POLH: variants seen among roughly 807,000 people sequenced by gnomAD.
The protein encoded by POLH is DNA polymerase eta, also known as DNA polymerase eta transcript.
POLH carries 53 observed loss-of-function variants against 73.6 expected under a neutral mutation model. That is an observed-to-expected ratio of 0.72 (90% CI 0.58 to 0.91). POLH has a LOEUF of 0.91. Ranked by LOEUF, POLH falls within the 40% of genes least tolerant of loss-of-function variation. The pLI, the probability that POLH is intolerant of heterozygous loss-of-function variation, is 0.00. For missense variants in POLH, 768 were observed against 865.4 expected, an observed-to-expected ratio of 0.89 and a Z score of 1.41; for synonymous variants, 292 against 308.5, an observed-to-expected ratio of 0.95 and a Z score of 0.56.
At chr6:43,604,522 A>G in intron 7 of POLH, 93 bp from the exon 8 acceptor site, 1 of 1,386,436 alleles carries the variant, frequency 7.2e-7, no homozygotes, top group Middle Eastern at 2.0e-4. Flanking sequence ...TTCATGAAAA[A>G]GATAAAAGGG....
intron 9 of POLH, among the ~76,000 whole-genome samples, chr6:43,607,121 A>C (rs1767389418): frequency 6.6e-6 from 1 of 152,198 alleles, no homozygotes; most frequent in African/African-American, 2.4e-5. Flanking sequence ...TTTGAGACGG[A>C]GTCTCGCTCT....
intron 3 of POLH, 34 bp downstream of exon 3, chr6:43,583,175 G>A: frequency 6.2e-7 from 1 of 1,603,722 alleles, no homozygotes; most frequent in Non-Finnish European, 8.5e-7. Flanking sequence ...GAGACATAAA[G>A]GAGTCGAAAA....
intron 1 of POLH, among the ~76,000 whole-genome samples, chr6:43,581,237 GCTC>G (rs1480740204): frequency 6.7e-6 from 1 of 149,118 alleles, no homozygotes; most frequent in Non-Finnish European, 1.5e-5. Context: ...GGGCAGAGGC[GCTC>G]CTCACATCCC....
chr6:43,601,006 T>TGTGGACTAAACAAGCCC lies in POLH; in HGVS notation c.680_696dup (p.Asn233ValfsTer3). On this transcript the variant is annotated frameshift_variant, in exon 6 of 11. Coordinates refer to ENST00000372236, the MANE Select transcript of POLH (RefSeq NM_006502.3). LOFTEE classifies it high-confidence loss of function. The stretch of plus-strand genomic sequence containing the variant: ...CTTCCAGGTCCTGGCAAAACTGGCC[T>TGTGGACTAAACAAGCCC]GTGGACTAAACAAGCCCAACCGCCA... 6.2e-7 allele frequency: 1 copy of TGTGGACTAAACAAGCCC among 1,614,014 alleles called. No individual in the cohort carries two copies. Among genetic ancestry groups the TGTGGACTAAACAAGCCC allele is most frequent in the South Asian group, 1.1e-5 (1 of 91,086 alleles).
intron 6 of POLH, among the ~76,000 whole-genome samples, chr6:43,601,850 G>A (rs1766772135): frequency 6.6e-6 from 1 of 152,104 alleles, no homozygotes; most frequent in Non-Finnish European, 1.5e-5. Context: ...CTGAAGTCAG[G>A]AGTTCGAGAC....
chr6:43,601,161 T>C (rs945666045), intron 6 of POLH, 70 bp downstream of exon 6: 107 of 1,094,254 alleles, frequency 9.8e-5, no homozygotes, highest in Non-Finnish European at 1.4e-4. Flanking sequence ...TGTAGTTTCT[T>C]GTGTTACTAA....
intron 3 of POLH, among the ~76,000 whole-genome samples, chr6:43,586,750 TCACCG>T (rs1764865856): frequency 6.6e-6 from 1 of 152,222 alleles, no homozygotes; most frequent in Non-Finnish European, 1.5e-5. Flanking sequence ...TTAACCAAAC[TCACCG>T]TTGACTGAAG....
intron 1 of POLH, among the ~76,000 whole-genome samples, chr6:43,581,812 G>A (rs1404285418): frequency 2.0e-5 from 3 of 150,962 alleles, no homozygotes; most frequent in Non-Finnish European, 4.4e-5. Context: ...ACCACCACCC[G>A]CGGCCACCAT....
intron 9 of POLH, among the ~76,000 whole-genome samples, 181 bp from the exon 10 acceptor site, chr6:43,610,372 CT>C (rs1767770769): frequency 6.6e-6 from 1 of 152,008 alleles, no homozygotes; most frequent in Admixed American, 6.6e-5. Flanking sequence ...GCCTCTTTCT[CT>C]TTTTTATATT....
At chr6:43,597,643 A>G (rs1050965975) in intron 4 of POLH, 53 bp from the exon 5 acceptor site, 38 of 1,491,042 alleles carry the variant, frequency 2.5e-5, no homozygotes, top group Non-Finnish European at 3.4e-5. Flanking sequence ...AGATAGCACA[A>G]TTAAATAAAT....
chr6:43,578,405 C>A (rs1469677602), intron 1 of POLH: 3 of 436,922 alleles, frequency 6.9e-6, no homozygotes, highest in South Asian at 1.6e-5. Flanking sequence ...ACAACAACAA[C>A]AAAAAACTCA....
At position 43,617,973 on chromosome 6, in the gene POLH, G is replaced by C. The variant is rs577482466; in HGVS notation, c.*3416G>C. On this transcript the variant is annotated 3_prime_UTR_variant, in exon 11 of 11. Transcript: ENST00000372236. ...AAGTTTGAGAAATGCTGATCTAAAAGATACTAATGACCAGGTGTGTAGAGG... is the reference window on the plus strand; with the variant it reads ...AAGTTTGAGAAATGCTGATCTAAAACATACTAATGACCAGGTGTGTAGAGG... 1.1e-4 allele frequency among the ~76,000 whole-genome samples: 17 copies of C among 152,194 alleles called. 1 individual carries two copies. The East Asian group carries it at 3.1e-3, about 28-fold the overall frequency.
At chr6:43,589,393 T>C (rs1765198720) in intron 4 of POLH, among the ~76,000 whole-genome samples, 1 of 152,216 alleles carries the variant, frequency 6.6e-6, no homozygotes, top group Admixed American at 6.5e-5. Flanking sequence ...ACAACTGGTA[T>C]CATCTAATGT....
chr6:43,598,642 AAAAAAG>A (rs1314896933), intron 5 of POLH, among the ~76,000 whole-genome samples: 18 of 152,110 alleles, frequency 1.2e-4, no homozygotes, highest in Non-Finnish European at 2.4e-4. Context: ...CTCAAAAAAA[AAAAAAG>A]AAAAAGAAAA....
intron 9 of POLH, 64 bp downstream of exon 9, chr6:43,605,383 C>A: frequency 2.5e-6 from 2 of 795,456 alleles, no homozygotes; most frequent in South Asian, 1.4e-5. Context: ...TGCTCTTTAC[C>A]TTATGGAGCA....
chr6:43,587,208 G>A, intron 3 of POLH, 64 bp from the exon 4 acceptor site: 1 of 1,166,412 alleles, frequency 8.6e-7, no homozygotes, highest in Non-Finnish European at 1.3e-6. Flanking sequence ...GGGTGGGAGT[G>A]GAGCAGACAA....
intron 6 of POLH, among the ~76,000 whole-genome samples, chr6:43,601,391 G>A (rs1323463248): frequency 6.6e-6 from 1 of 152,076 alleles, no homozygotes; most frequent in Non-Finnish European, 1.5e-5. Context: ...TCAGGCTCCT[G>A]AGTAGCTGGA....
At chr6:43,595,079 C>G (rs1765888698) in intron 4 of POLH, among the ~76,000 whole-genome samples, 1 of 152,068 alleles carries the variant, frequency 6.6e-6, no homozygotes, top group Non-Finnish European at 1.5e-5. Context: ...GCCTGTAGTC[C>G]TAGCTACTTG....
In POLH at chr6:43,619,726, G is replaced by C. The variant is rs1411676165; in HGVS notation, c.*5169G>C. Among the ~76,000 whole-genome samples the C allele has an allele frequency of 1.3e-5, 2 of 152,126 alleles. No homozygotes were observed. Among genetic ancestry groups the C allele is most frequent in the Admixed American group, 6.5e-5 (1 of 15,270 alleles). The stretch of plus-strand genomic sequence containing the variant: ...ACAGGCAAAAGATAAGTAAATTGTG[G>C]ACAAAGCTTTCATCTCTATCAGCAG... On this transcript the variant is annotated 3_prime_UTR_variant, in exon 11 of 11. Coordinates refer to ENST00000372236, the MANE Select transcript of POLH (RefSeq NM_006502.3).
Sources: gnomAD v4.1 joint callset for allele counts (sites outside exome capture counted in the v4.1 genomes callset) on GRCh38, gnomAD v4.1.1 for gene constraint, MANE v1.5 for transcripts, NCBI Gene and HGNC (gene_info 2026-07-23, HGNC 2026-07-21) for gene names.